Variants in APP observed in about 807,000 individuals in gnomAD.
The protein encoded by APP is amyloid beta precursor protein, also known as amyloid-beta precursor protein.
In APP, 31 loss-of-function variants were observed where a neutral mutation model predicts 101.4. That is an observed-to-expected ratio of 0.31 (90% CI 0.23 to 0.41). APP has a LOEUF of 0.41. Ranked by LOEUF, APP falls within the 10% of genes least tolerant of loss-of-function variation. The probability of loss-of-function intolerance (pLI) is 1.00; values close to 1 mark genes in which losing one functional copy is unlikely to be tolerated. For synonymous variants in APP, 366 were observed against 364.4 expected (o/e 1.00, Z -0.05); for missense variants, 839 against 1,003.7 (o/e 0.84, Z 2.22).
chr21:25,935,930 C>A (rs1329720803), intron 13 of APP, among the ~76,000 whole-genome samples: 2 of 150,716 alleles, frequency 1.3e-5, no homozygotes, highest in Non-Finnish European at 1.5e-5. Context: ...TGAAGTTCAT[C>A]AAGGCCGAGT....
intron 3 of APP, among the ~76,000 whole-genome samples, chr21:26,077,918 C>G (rs2061528582): frequency 1.3e-5 from 2 of 152,110 alleles, no homozygotes; most frequent in African/African-American, 4.8e-5. Context: ...AGAATTTATC[C>G]TTTCACTGAA....
At chr21:25,897,484 A>T in intron 16 of APP, 89 bp downstream of exon 16, 4 of 1,018,864 alleles carry the variant, frequency 3.9e-6, no homozygotes, top group Non-Finnish European at 6.3e-6. Flanking sequence ...TCTTTTCCTT[A>T]ATTTGATTTC....
intron 7 of APP, among the ~76,000 whole-genome samples, chr21:25,998,801 A>C (rs1183335151): frequency 6.6e-6 from 1 of 152,146 alleles, no homozygotes; most frequent in Non-Finnish European, 1.5e-5. Flanking sequence ...CAAATAAATA[A>C]ATAAATAAAT....
chr21:25,937,791 T>A (rs1434639024), intron 13 of APP: 1 of 152,178 alleles, frequency 6.6e-6, no homozygotes, highest in Non-Finnish European at 1.5e-5. Context: ...TGTTTTGAGA[T>A]AAGGTCGTCC....
intron 5 of APP, among the ~76,000 whole-genome samples, chr21:26,047,878 A>G (rs901882560): frequency 9.2e-5 from 14 of 152,252 alleles, no homozygotes; most frequent in African/African-American, 3.4e-4. Context: ...TACGAAAGAA[A>G]GAAACATAAA....
chr21:25,890,566 C>A (rs952483564), intron 17 of APP, among the ~76,000 whole-genome samples: 2 of 151,984 alleles, frequency 1.3e-5, no homozygotes, highest in Non-Finnish European at 2.9e-5. Context: ...TATGGTGAAA[C>A]CCTGTCTCTA....
intron 13 of APP, chr21:25,934,456 G>A (rs941082358): frequency 6.6e-6 from 1 of 151,498 alleles, no homozygotes; most frequent in African/African-American, 2.4e-5. Context: ...TTTTTTTTGA[G>A]ATGGAGTCTC....
chr21:26,032,989 G>T (rs1268353850), intron 5 of APP, among the ~76,000 whole-genome samples: 1 of 152,144 alleles, frequency 6.6e-6, no homozygotes, highest in Non-Finnish European at 1.5e-5. Flanking sequence ...TGGAGTTTGG[G>T]AGGGACAGAC....
At chr21:26,038,904 T>TA (rs1365881586) in intron 5 of APP, among the ~76,000 whole-genome samples, 1 of 152,224 alleles carries the variant, frequency 6.6e-6, no homozygotes, top group Non-Finnish European at 1.5e-5. Context: ...AATACCGTGA[T>TA]ACAGATTATT....
At chr21:26,097,423 G>A (rs1210913175) in intron 2 of APP, among the ~76,000 whole-genome samples, 1 of 152,026 alleles carries the variant, frequency 6.6e-6, no homozygotes, top group African/African-American at 2.4e-5. Context: ...ATTCAATCAG[G>A]GACTTTCAGT....
chr21:25,905,135 C>T (rs553463486), intron 14 of APP, 58 bp from the exon 15 acceptor site: 87 of 1,444,076 alleles, frequency 6.0e-5, no homozygotes, highest in Middle Eastern at 3.5e-4. Flanking sequence ...GATGGTAAGT[C>T]GTGGCTCCCA....
intron 17 of APP, among the ~76,000 whole-genome samples, chr21:25,883,739 C>A (rs1055115820): frequency 6.6e-5 from 10 of 152,134 alleles, no homozygotes; most frequent in African/African-American, 2.2e-4. Context: ...TAATCAGGTC[C>A]CCTGTGGTCC....
At chr21:26,064,746 A>C (rs773429430) in intron 3 of APP, among the ~76,000 whole-genome samples, 8 of 152,234 alleles carry the variant, frequency 5.3e-5, no homozygotes, top group Non-Finnish European at 1.2e-4. Flanking sequence ...GGCGAGGCCC[A>C]TGTTCCACAG....
intron 13 of APP, among the ~76,000 whole-genome samples, chr21:25,929,279 A>G (rs77041254): frequency 6.6e-6 from 1 of 152,324 alleles, no homozygotes; most frequent in East Asian, 1.9e-4. Context: ...TTAATAAAAT[A>G]TAATGTTTTT....
intron 5 of APP, among the ~76,000 whole-genome samples, chr21:26,046,177 A>G (rs948446705): frequency 5.3e-5 from 8 of 152,022 alleles, no homozygotes; most frequent in African/African-American, 1.7e-4. Flanking sequence ...AAGCCAAAAC[A>G]TATCACTGCC....
chr21:25,997,387 C>A lies in APP; in HGVS notation c.1063G>T (p.Glu355Ter). 6.2e-7 allele frequency: 1 copy of A among 1,613,830 alleles called. No homozygotes were observed. The highest frequency in any genetic ancestry group is 1.1e-5 in the South Asian group (1 of 91,058). Reference protein sequence around the residue: ...MSQSLLKTTQEPLARDPVKLP... With the variant: ...MSQSLLKTTQ ...TTAACAGGATCTCGGGCAAGAGGTT[C>A]CTGGGTAGTCTTGAGTAAACTTTGG... The change falls in exon 8 of 18, where the codon GAA (glutamate) becomes TAA (stop). Residue 355 changes from glutamate (E) to a stop codon, truncating the protein, a stop_gained. Transcript: ENST00000346798. LOFTEE classifies it high-confidence loss of function.
chr21:26,082,492 T>A (rs1453556381), intron 3 of APP, among the ~76,000 whole-genome samples: 1 of 152,164 alleles, frequency 6.6e-6, no homozygotes, highest in East Asian at 1.9e-4. Context: ...GGATATAAAC[T>A]TTAAAATTAT....
At chr21:25,903,411 G>GA (rs891342652) in intron 15 of APP, among the ~76,000 whole-genome samples, 2 of 147,286 alleles carry the variant, frequency 1.4e-5, no homozygotes, top group Admixed American at 6.7e-5. Flanking sequence ...TTTTAAAAAA[G>GA]AAAAAAACAT....
Position 26,000,004 on chromosome 21 carries a change from G to C in APP, c.1033+11C>G. ...CGAAAGGTGGCCAGGCTCGAAGAAG[G>C]GTCCACTTACTGGCGCTGCCACACA... On this transcript the variant is annotated intron_variant, in intron 7 of 17. Transcript: ENST00000346798. 1 of 1,613,790 alleles carries C rather than the reference G, an allele frequency of 6.2e-7. No homozygotes were observed. The highest frequency in any genetic ancestry group is 8.5e-7 in the Non-Finnish European group (1 of 1,179,868).
Sources: gnomAD v4.1 joint callset for allele counts (sites outside exome capture counted in the v4.1 genomes callset) on GRCh38, gnomAD v4.1.1 for gene constraint, MANE v1.5 for transcripts, NCBI Gene and HGNC (gene_info 2026-07-23, HGNC 2026-07-21) for gene names.